Variants in PABPC4L observed in about 807,000 individuals in gnomAD.
PABPC4L encodes the protein polyadenylate-binding protein 4-like.
For synonymous variants in PABPC4L, 169 were observed against 164.1 expected, an observed-to-expected ratio of 1.03 and a Z score of -0.23; for missense variants, 452 against 451.4, an observed-to-expected ratio of 1.00 and a Z score of -0.01.
chr4:134,050,880 A>ATTTTTTTT, the PABPC4L span, among the ~76,000 whole-genome samples: 6 of 134,726 alleles, frequency 4.5e-5, no homozygotes, highest in Non-Finnish European at 6.3e-5. Flanking sequence ...ATTGACCTTT[A>ATTTTTTTT]TTTTTTTTTT....
At chr4:134,162,373 T>C in the PABPC4L span, among the ~76,000 whole-genome samples, 1 of 152,050 alleles carries the variant, frequency 6.6e-6, no homozygotes, top group African/African-American at 2.4e-5. Flanking sequence ...AAACAATTAA[T>C]ACTAGACCTA....
At chr4:134,050,480 G>A in the PABPC4L span, among the ~76,000 whole-genome samples, 1 of 152,052 alleles carries the variant, frequency 6.6e-6, no homozygotes, top group African/African-American at 2.4e-5. Context: ...TGAGGTGGGT[G>A]GATCACCTGA....
the PABPC4L span, among the ~76,000 whole-genome samples, chr4:134,164,954 T>C: frequency 6.6e-6 from 1 of 152,004 alleles, no homozygotes; most frequent in Non-Finnish European, 1.5e-5. Context: ...TGGAACAGAA[T>C]AAATAACTCA....
the PABPC4L span, among the ~76,000 whole-genome samples, chr4:134,083,036 G>A: frequency 6.6e-6 from 1 of 152,062 alleles, no homozygotes; most frequent in Non-Finnish European, 1.5e-5. Flanking sequence ...TGTGACAATG[G>A]GACACAGCAG....
chr4:133,979,232 T>C, the PABPC4L span, among the ~76,000 whole-genome samples: 12 of 152,300 alleles, frequency 7.9e-5, no homozygotes, highest in South Asian at 2.5e-3. Flanking sequence ...TTTCTAAGTC[T>C]AATTCTTTCC....
the PABPC4L span, among the ~76,000 whole-genome samples, chr4:133,982,649 A>G: frequency 6.6e-6 from 1 of 152,006 alleles, no homozygotes; most frequent in African/African-American, 2.4e-5. Flanking sequence ...CAGAAAAAGT[A>G]ACTCATAATC....
the PABPC4L span, among the ~76,000 whole-genome samples, chr4:134,032,531 A>G: frequency 1.3e-5 from 2 of 152,024 alleles, no homozygotes; most frequent in South Asian, 4.1e-4. Context: ...ATTTGTTTGC[A>G]AAAATTTGCT....
At chr4:134,103,029 C>T in the PABPC4L span, among the ~76,000 whole-genome samples, 1 of 151,328 alleles carries the variant, frequency 6.6e-6, no homozygotes, top group African/African-American at 2.4e-5. Context: ...CAGAATAACC[C>T]TTGAAAACTG....
the PABPC4L span, among the ~76,000 whole-genome samples, chr4:134,107,600 G>A: frequency 1.3e-5 from 2 of 151,518 alleles, no homozygotes; most frequent in African/African-American, 4.8e-5. Context: ...TTTATACATT[G>A]TTTTGTTGCA....
At chr4:134,171,013 T>C in the PABPC4L span, among the ~76,000 whole-genome samples, 1 of 152,200 alleles carries the variant, frequency 6.6e-6, no homozygotes, top group Non-Finnish European at 1.5e-5. Context: ...TTTGACTTCT[T>C]AATAATACTT....
At chr4:133,956,487 A>T in the PABPC4L span, among the ~76,000 whole-genome samples, 4 of 152,094 alleles carry the variant, frequency 2.6e-5, no homozygotes, top group African/African-American at 9.7e-5. Context: ...GTTACCCCCA[A>T]ATATGGTACC....
chr4:134,189,320 A>C, the PABPC4L span, among the ~76,000 whole-genome samples: 158 of 151,768 alleles, frequency 1.0e-3, no homozygotes, highest in Non-Finnish European at 1.6e-3. Flanking sequence ...ATCTCTTCAA[A>C]TTGCATTTTG....
the PABPC4L span, among the ~76,000 whole-genome samples, chr4:134,058,168 T>C: frequency 6.6e-6 from 1 of 152,008 alleles, no homozygotes; most frequent in Middle Eastern, 3.4e-3. Context: ...TGTGAAATGA[T>C]TGAGACTACT....
At chr4:134,167,064 A>G in the PABPC4L span, among the ~76,000 whole-genome samples, 1 of 152,250 alleles carries the variant, frequency 6.6e-6, no homozygotes, top group East Asian at 1.9e-4. Flanking sequence ...AAGTAATCCA[A>G]TTGAATGAGA....
chr4:134,058,364 A>T, the PABPC4L span, among the ~76,000 whole-genome samples: 4 of 151,990 alleles, frequency 2.6e-5, no homozygotes, highest in Non-Finnish European at 5.9e-5. Context: ...AATATATACT[A>T]AAAAACTGAT....
chr4:134,026,063 T>TA, the PABPC4L span, among the ~76,000 whole-genome samples: 1 of 152,174 alleles, frequency 6.6e-6, no homozygotes, highest in African/African-American at 2.4e-5. Context: ...TTTCCCCTTT[T>TA]AATGTAGAAA....
At chr4:134,044,035 G>C in the PABPC4L span, among the ~76,000 whole-genome samples, 1 of 151,728 alleles carries the variant, frequency 6.6e-6, no homozygotes, top group African/African-American at 2.4e-5. Context: ...GGAGTGCAGG[G>C]GCACGATGGT....
the PABPC4L span, among the ~76,000 whole-genome samples, chr4:134,140,113 T>G: frequency 5.3e-5 from 8 of 151,834 alleles, no homozygotes; most frequent in Admixed American, 5.3e-4. Context: ...AATATAAAGT[T>G]TTAGTTACGT....
At chr4:133,997,520 T>C in the PABPC4L span, among the ~76,000 whole-genome samples, 1 of 152,100 alleles carries the variant, frequency 6.6e-6, no homozygotes, top group East Asian at 1.9e-4. Context: ...AAAAACCTTT[T>C]GTATAGTTGC....
Sources: allele counts gnomAD v4.1 joint callset (sites outside exome capture counted in the v4.1 genomes callset), GRCh38; gene constraint gnomAD v4.1.1; transcripts MANE v1.5; gene names NCBI Gene and HGNC (gene_info 2026-07-23, HGNC 2026-07-21).